The following ARHGAP15 variants were observed in gnomAD, a reference collection of about 807,000 sequenced individuals.
ARHGAP15 encodes the protein rho GTPase-activating protein 15.
In ARHGAP15, 51 loss-of-function variants were observed where a neutral mutation model predicts 63.7. That is an observed-to-expected ratio of 0.80 (90% CI 0.64 to 1.01). ARHGAP15 has a LOEUF of 1.01. Among genes scored for constraint, ARHGAP15 ranks in the 50% least tolerant of loss-of-function variants. The probability of loss-of-function intolerance (pLI) is 0.00; values close to 1 mark genes in which losing one functional copy is unlikely to be tolerated. For missense variants in ARHGAP15, 560 were observed against 564.6 expected (o/e 0.99, Z 0.08); for synonymous variants, 191 against 193.8 (o/e 0.99, Z 0.12).
intron 2 of ARHGAP15, among the ~76,000 whole-genome samples, chr2:143,187,788 T>C (rs1691507631): frequency 6.6e-6 from 1 of 152,250 alleles, no homozygotes; most frequent in Non-Finnish European, 1.5e-5. Flanking sequence ...TGTAAATTGA[T>C]GGGTGAGAGC....
chr2:143,278,376 C>T (rs143021365), intron 6 of ARHGAP15, among the ~76,000 whole-genome samples: 6 of 152,254 alleles, frequency 3.9e-5, no homozygotes, highest in African/African-American at 1.4e-4. Flanking sequence ...GCCCACCCCA[C>T]AATCTAACCC....
At position 143,133,600 on chromosome 2, in the gene ARHGAP15, G is replaced by C. The variant is rs556507684; in HGVS notation, c.-15+4134G>C. 3.9e-5 allele frequency among the ~76,000 whole-genome samples: 6 copies of C among 152,082 alleles called. No homozygotes were observed. In the South Asian group the frequency reaches 1.2e-3, roughly 32 times the overall value. On this transcript the variant is annotated intron_variant, in intron 1 of 13. Transcript: ENST00000295095. ...TGCCTGAGGTTCTTATTCAAGTTAT[G>C]GTTATAACAATCTTTTTTTTCATTT...
At chr2:143,630,915 A>G (rs1443357785) in intron 12 of ARHGAP15, among the ~76,000 whole-genome samples, 3 of 152,110 alleles carry the variant, frequency 2.0e-5, no homozygotes, top group African/African-American at 4.8e-5. Context: ...CACAACCAGG[A>G]AAAAGAACAT....
intron 11 of ARHGAP15, chr2:143,601,503 T>C (rs1391133175): frequency 6.6e-6 from 1 of 152,164 alleles, no homozygotes; most frequent in African/African-American, 2.4e-5. Context: ...CTACACAGGA[T>C]TTGACCACTT....
intron 6 of ARHGAP15, among the ~76,000 whole-genome samples, chr2:143,396,588 A>G (rs1687770997): frequency 6.7e-6 from 1 of 149,056 alleles, no homozygotes; most frequent in Non-Finnish European, 1.5e-5. Flanking sequence ...CGCTCCATAT[A>G]AATATTCCAA....
At chr2:143,713,057 T>C (rs1461424481) in intron 13 of ARHGAP15, among the ~76,000 whole-genome samples, 2 of 152,160 alleles carry the variant, frequency 1.3e-5, no homozygotes, top group African/African-American at 4.8e-5. Flanking sequence ...GATGATAATC[T>C]AATAGCCAGT....
intron 6 of ARHGAP15, among the ~76,000 whole-genome samples, chr2:143,333,358 C>T (rs1684631722): frequency 6.6e-6 from 1 of 152,202 alleles, no homozygotes; most frequent in Non-Finnish European, 1.5e-5. Flanking sequence ...AAATGCCATG[C>T]AGCTCTTGGC....
chr2:143,636,089 G>C (rs1485372326), intron 12 of ARHGAP15, among the ~76,000 whole-genome samples: 2 of 151,994 alleles, frequency 1.3e-5, no homozygotes, highest in Non-Finnish European at 2.9e-5. Context: ...TTCTCACCTT[G>C]AGTGTCCAGC....
intron 6 of ARHGAP15, among the ~76,000 whole-genome samples, chr2:143,287,185 TA>T (rs530982529): frequency 6.0e-4 from 92 of 152,322 alleles, no homozygotes; most frequent in African/African-American, 2.2e-3. Flanking sequence ...AATGCTGATA[TA>T]AAATTTGACT....
intron 6 of ARHGAP15, among the ~76,000 whole-genome samples, chr2:143,346,199 C>G (rs1394532176): frequency 1.4e-5 from 2 of 143,374 alleles, no homozygotes; most frequent in East Asian, 2.0e-4. Flanking sequence ...CACACTCTCT[C>G]TCTCACACAC....
chr2:143,565,849 C>G (rs1279202141), intron 11 of ARHGAP15, among the ~76,000 whole-genome samples: 1 of 152,192 alleles, frequency 6.6e-6, no homozygotes, highest in African/African-American at 2.4e-5. Context: ...AGTCATACTG[C>G]TCTTGCTAAC....
intron 6 of ARHGAP15, among the ~76,000 whole-genome samples, chr2:143,305,716 C>T (rs1023290892): frequency 6.6e-5 from 10 of 152,034 alleles, no homozygotes; most frequent in African/African-American, 2.4e-4. Context: ...AATCAATCTT[C>T]TTATTGCAGC....
intron 5 of ARHGAP15, among the ~76,000 whole-genome samples, chr2:143,234,542 C>A (rs968353888): frequency 6.6e-6 from 1 of 152,188 alleles, no homozygotes; most frequent in Admixed American, 6.5e-5. Context: ...ATAAAACTCT[C>A]CAATTATGTC....
chr2:143,328,707 C>T lies in ARHGAP15; in HGVS notation c.474+78107C>T, dbSNP rs192502250. Among the ~76,000 whole-genome samples the T allele has an allele frequency of 3.0e-4, 46 of 152,214 alleles. No homozygotes were observed. In the East Asian group the frequency reaches 7.0e-3, roughly 23 times the overall value. On this transcript the variant is annotated intron_variant, in intron 6 of 13. Coordinates refer to ENST00000295095, the MANE Select transcript of ARHGAP15 (RefSeq NM_018460.4). The stretch of plus-strand genomic sequence containing the variant: ...ATATAACAAACCTGCACATTCTGCA[C>T]GTGTATCCCAGAACTTAAAGTATAA...
intron 13 of ARHGAP15, among the ~76,000 whole-genome samples, chr2:143,726,418 A>T (rs1685279382): frequency 7.0e-6 from 1 of 142,104 alleles, no homozygotes; most frequent in African/African-American, 2.5e-5. Context: ...GCCTGAAAAA[A>T]ACAACCAAAA....
chr2:143,256,915 CAG>C (rs561543035), intron 6 of ARHGAP15, among the ~76,000 whole-genome samples: 5 of 152,102 alleles, frequency 3.3e-5, no homozygotes, highest in Non-Finnish European at 4.4e-5. Context: ...AAAGGAGAAA[CAG>C]AAACAAGAAG....
At chr2:143,577,228 C>T (rs1167829109) in intron 11 of ARHGAP15, among the ~76,000 whole-genome samples, 2 of 152,230 alleles carry the variant, frequency 1.3e-5, no homozygotes, top group East Asian at 1.9e-4. Flanking sequence ...TGAACACACT[C>T]GTGTACCATT....
intron 11 of ARHGAP15, among the ~76,000 whole-genome samples, chr2:143,597,312 A>T (rs1697560649): frequency 6.6e-6 from 1 of 152,274 alleles, no homozygotes; most frequent in South Asian, 2.1e-4. Flanking sequence ...CAATACTAAA[A>T]TTACAATTTA....
intron 2 of ARHGAP15, among the ~76,000 whole-genome samples, chr2:143,201,074 A>G (rs191050798): frequency 5.3e-5 from 8 of 152,150 alleles, no homozygotes; most frequent in Middle Eastern, 3.4e-3. Context: ...GGGAAACTCA[A>G]TGGCCAAAAG....
Sources: allele counts gnomAD v4.1 joint callset (sites outside exome capture counted in the v4.1 genomes callset), GRCh38; gene constraint gnomAD v4.1.1; transcripts MANE v1.5; gene names NCBI Gene and HGNC (gene_info 2026-07-23, HGNC 2026-07-21).